The following WNT7B variants were observed in gnomAD, a reference collection of about 807,000 sequenced individuals.
WNT7B encodes the protein Wnt family member 7B, also known as protein Wnt-7b.
WNT7B carries 19 observed loss-of-function variants against 38.2 expected under a neutral mutation model. That is an observed-to-expected ratio of 0.50 (90% CI 0.35 to 0.73). WNT7B has a LOEUF of 0.73. WNT7B is among the 30% of genes least tolerant of loss of function. The pLI, the probability that WNT7B is intolerant of heterozygous loss-of-function variation, is 0.01. For missense variants in WNT7B, 423 were observed against 507.9 expected (o/e 0.83, Z 1.61); for synonymous variants, 243 against 209.3 (o/e 1.16, Z -1.39).
chr22:45,930,530 T>G (rs1187160094), intron 3 of WNT7B, among the ~76,000 whole-genome samples: 1 of 152,134 alleles, frequency 6.6e-6, no homozygotes, highest in Non-Finnish European at 1.5e-5. Flanking sequence ...TCTGACTTCT[T>G]CCCCGGTGTG....
intron 2 of WNT7B, among the ~76,000 whole-genome samples, chr22:45,949,355 A>T (rs905097980): frequency 1.5e-4 from 8 of 54,772 alleles, no homozygotes; most frequent in African/African-American, 5.0e-4. Context: ...CCCTCCGGCC[A>T]TTGGATTCCC....
At chr22:45,929,591 T>TCTG in intron 3 of WNT7B, among the ~76,000 whole-genome samples, 1 of 139,086 alleles carries the variant, frequency 7.2e-6, no homozygotes, top group African/African-American at 2.8e-5. Context: ...CTTCCATCCA[T>TCTG]TCATGCATCC....
intron 3 of WNT7B, among the ~76,000 whole-genome samples, 174 bp downstream of exon 3, chr22:45,930,924 C>G (rs1237299625): frequency 6.6e-6 from 1 of 152,162 alleles, no homozygotes; most frequent in Admixed American, 6.5e-5. Flanking sequence ...ACAGCCTCCT[C>G]CCGGTGCTGG....
intron 1 of WNT7B, among the ~76,000 whole-genome samples, chr22:45,964,281 C>A (rs971454101): frequency 6.6e-6 from 1 of 152,128 alleles, no homozygotes; most frequent in African/African-American, 2.4e-5. Flanking sequence ...TCCCTGAACA[C>A]CCTGAGGCTC....
At chr22:45,946,326 G>A (rs1569118103) in intron 2 of WNT7B, among the ~76,000 whole-genome samples, 1 of 152,196 alleles carries the variant, frequency 6.6e-6, no homozygotes, top group Non-Finnish European at 1.5e-5. Context: ...CCTCCAGTCT[G>A]GCCTGGGTCA....
At chr22:45,946,977 T>C (rs1240775075) in intron 2 of WNT7B, among the ~76,000 whole-genome samples, 1 of 152,210 alleles carries the variant, frequency 6.6e-6, no homozygotes, top group Non-Finnish European at 1.5e-5. Flanking sequence ...ACTGCTTGAG[T>C]GGCTGTTCCC....
intron 2 of WNT7B, among the ~76,000 whole-genome samples, chr22:45,941,581 G>T (rs79717280): frequency 1.3e-5 from 2 of 152,140 alleles, no homozygotes; most frequent in Non-Finnish European, 1.5e-5. Context: ...GGCAGCTGGT[G>T]GGGGGCTGTT....
intron 1 of WNT7B, among the ~76,000 whole-genome samples, chr22:45,970,277 C>T (rs953289184): frequency 6.6e-6 from 1 of 152,218 alleles, no homozygotes; most frequent in African/African-American, 2.4e-5. Context: ...AGCACTGGCC[C>T]AGGGATGCCT....
chr22:45,975,428 G>A lies in WNT7B; in HGVS notation c.71+1256C>T, dbSNP rs1443936839. 1 of 636,220 alleles carries A rather than the reference G, an allele frequency of 1.6e-6. No homozygotes were observed. Among genetic ancestry groups the A allele is most frequent in the Non-Finnish European group, 2.9e-6 (1 of 340,314 alleles). 39.4% of individuals were successfully genotyped at this position (636,220 alleles called of 1,614,324 possible). Reference sequence around the variant, plus strand: ...AGACCTATGATAAACGGGGCTACCGGCAGCCGCAGACACGCCCGCCCAGAC... The same window carrying A: ...AGACCTATGATAAACGGGGCTACCGACAGCCGCAGACACGCCCGCCCAGAC... On this transcript the variant is annotated intron_variant, in intron 1 of 3. Coordinates refer to ENST00000339464, the MANE Select transcript of WNT7B (RefSeq NM_058238.3). The surrounding 1 kb of genome is among the most constrained non-coding windows in gnomAD (Gnocchi z 6.6).
chr22:45,970,139 G>A (rs1159254124), intron 1 of WNT7B, among the ~76,000 whole-genome samples: 1 of 152,214 alleles, frequency 6.6e-6, no homozygotes, highest in Non-Finnish European at 1.5e-5. Flanking sequence ...CTCCGGGAAC[G>A]TGTCTGGGTT....
intron 2 of WNT7B, among the ~76,000 whole-genome samples, chr22:45,932,763 T>C (rs1418696818): frequency 6.6e-6 from 1 of 152,102 alleles, no homozygotes; most frequent in Non-Finnish European, 1.5e-5. Context: ...AGTGGGAACC[T>C]CCCTGCCCAT....
In WNT7B at chr22:45,942,904, C is replaced by T. The variant is rs573008284; in HGVS notation, c.298+7016G>A. Among the ~76,000 whole-genome samples, 277 of 148,940 alleles carry T rather than the reference C, an allele frequency of 1.9e-3. 2 individuals are homozygous for T. The highest frequency in any genetic ancestry group is 6.4e-3 in the African/African-American group (260 of 40,534). ...GCATGTATGTGCGTGTGTGTGCGCG[C>T]GTGTGTGCAGTGTGCACGTGTGTGC... On this transcript the variant is annotated intron_variant, in intron 2 of 3. Coordinates refer to ENST00000339464, the MANE Select transcript of WNT7B (RefSeq NM_058238.3).
chr22:45,943,215 T>C (rs1482836976), intron 2 of WNT7B, among the ~76,000 whole-genome samples: 1 of 152,218 alleles, frequency 6.6e-6, no homozygotes, highest in Non-Finnish European at 1.5e-5. Flanking sequence ...TCTGTCCCTC[T>C]GTCTCTCTCC....
chr22:45,950,378 C>T (rs545863350), intron 1 of WNT7B, among the ~76,000 whole-genome samples: 173 of 152,388 alleles, frequency 1.1e-3, no homozygotes, highest in Non-Finnish European at 1.7e-3. Flanking sequence ...CAGCCACACA[C>T]ACCCAGGCCT....
intron 1 of WNT7B, among the ~76,000 whole-genome samples, chr22:45,960,089 C>T (rs570492429): frequency 6.6e-5 from 10 of 152,324 alleles, no homozygotes; most frequent in South Asian, 2.1e-4. Context: ...TGGACCCACG[C>T]GCCACCCTGA....
At chr22:45,937,361 T>C (rs551166978) in intron 2 of WNT7B, among the ~76,000 whole-genome samples, 1 of 152,324 alleles carries the variant, frequency 6.6e-6, no homozygotes, top group African/African-American at 2.4e-5. Flanking sequence ...ATTGGCCAGC[T>C]GAGTGACCTC....
At chr22:45,973,524 C>T (rs1302321972) in intron 1 of WNT7B, among the ~76,000 whole-genome samples, 1 of 152,192 alleles carries the variant, frequency 6.6e-6, no homozygotes, top group Non-Finnish European at 1.5e-5. Flanking sequence ...CTGCTTCTGG[C>T]CCCAAAGGCA....
At chr22:45,957,707 A>AAAAC (rs1932104218) in intron 1 of WNT7B, among the ~76,000 whole-genome samples, 1 of 151,052 alleles carries the variant, frequency 6.6e-6, no homozygotes, top group Non-Finnish European at 1.5e-5. Flanking sequence ...AAAAAAAAAA[A>AAAAC]AAAAACAGAA....
chr22:45,954,310 T>A (rs896806151), intron 1 of WNT7B, among the ~76,000 whole-genome samples: 1 of 151,520 alleles, frequency 6.6e-6, no homozygotes, highest in Non-Finnish European at 1.5e-5. Flanking sequence ...CCATCTGGGG[T>A]GATGGAAAGT....
Sources: gnomAD v4.1 joint callset for allele counts (sites outside exome capture counted in the v4.1 genomes callset) on GRCh38, gnomAD v4.1.1 for gene constraint, Gnocchi (gnomAD v3.1) non-coding constraint, MANE v1.5 for transcripts, NCBI Gene and HGNC (gene_info 2026-07-23, HGNC 2026-07-21) for gene names.